NPAS3: variants seen among roughly 807,000 people sequenced by gnomAD.
NPAS3 encodes neuronal PAS domain-containing protein 3.
Under a neutral mutation model 73.1 loss-of-function variants are expected in NPAS3, and 14 were observed. The observed-to-expected ratio is 0.19, with a 90% confidence interval of 0.13 to 0.30. The LOEUF is 0.30. Among genes scored for constraint, NPAS3 ranks in the 10% least tolerant of loss-of-function variants. The pLI, the probability that NPAS3 is intolerant of heterozygous loss-of-function variation, is 1.00. For missense variants in NPAS3, 1,096 were observed against 1,250.0 expected, an observed-to-expected ratio of 0.88 and a Z score of 1.86; for synonymous variants, 620 against 541.5, an observed-to-expected ratio of 1.14 and a Z score of -2.01.
chr14:32,991,631 G>A (rs1279299409), intron 1 of NPAS3, among the ~76,000 whole-genome samples: 2 of 152,234 alleles, frequency 1.3e-5, no homozygotes, highest in Admixed American at 6.5e-5. Context: ...TTATTTTACT[G>A]TCCGTCTCTT....
chr14:33,498,935 A>AGTGTGTGTGTGTGTGTGTGTGTGT (rs3058422), intron 4 of NPAS3, among the ~76,000 whole-genome samples: 1 of 94,936 alleles, frequency 1.1e-5, no homozygotes, highest in Non-Finnish European at 2.2e-5. Context: ...ACAGAGAGAG[A>AGTGTGTGTGTGTGTGTGTGTGTGT]GTGTGTGTGT....
intron 1 of NPAS3, among the ~76,000 whole-genome samples, chr14:33,030,799 G>T (rs1595275181): frequency 1.3e-5 from 2 of 152,184 alleles, no homozygotes; most frequent in Admixed American, 6.5e-5. Context: ...CATGTATTTT[G>T]TCTGTACATA....
At chr14:33,768,752 T>G (rs556547497) in intron 7 of NPAS3, among the ~76,000 whole-genome samples, 1 of 152,364 alleles carries the variant, frequency 6.6e-6, no homozygotes, top group East Asian at 1.9e-4. Context: ...ACAGATGTTC[T>G]GTTTCCCAAT....
At chr14:33,038,683 A>G (rs1200768158) in intron 1 of NPAS3, among the ~76,000 whole-genome samples, 2 of 152,162 alleles carry the variant, frequency 1.3e-5, no homozygotes, top group Non-Finnish European at 2.9e-5. Context: ...CGCACACTGG[A>G]AAATGGGAGG....
chr14:33,381,478 A>G (rs796978126), intron 4 of NPAS3, among the ~76,000 whole-genome samples: 50 of 152,280 alleles, frequency 3.3e-4, no homozygotes, highest in African/African-American at 1.2e-3. Flanking sequence ...TATATGACTG[A>G]TTGGTAACTA....
intron 6 of NPAS3, among the ~76,000 whole-genome samples, chr14:33,699,157 A>T (rs1229875974): frequency 6.6e-6 from 1 of 152,232 alleles, no homozygotes; most frequent in Non-Finnish European, 1.5e-5. Context: ...GTTTCAAAAA[A>T]AAACATGTGC....
intron 5 of NPAS3, among the ~76,000 whole-genome samples, chr14:33,617,420 G>T (rs2057952567): frequency 2.6e-5 from 4 of 152,102 alleles, no homozygotes; most frequent in South Asian, 2.1e-4. Flanking sequence ...AAATTTAGGT[G>T]GGGGGAATGC....
intron 4 of NPAS3, among the ~76,000 whole-genome samples, chr14:33,451,533 G>C (rs539158818): frequency 3.7e-4 from 56 of 152,158 alleles, no homozygotes; most frequent in Non-Finnish European, 6.5e-4. Flanking sequence ...CCTCTCTCTC[G>C]ATCATTTTCA....
At chr14:33,456,934 C>T (rs776118917) in intron 4 of NPAS3, among the ~76,000 whole-genome samples, 2 of 152,132 alleles carry the variant, frequency 1.3e-5, no homozygotes, top group South Asian at 2.1e-4. Context: ...GGACTTCCTC[C>T]GCCTCACCTG....
chr14:32,935,205 A>C (rs959292554), upstream of NPAS3, among the ~76,000 whole-genome samples: 9 of 152,204 alleles, frequency 5.9e-5, no homozygotes, highest in South Asian at 4.1e-4. Context: ...TGGCGAAGTG[A>C]AATCATCCTT....
intron 3 of NPAS3, among the ~76,000 whole-genome samples, chr14:33,292,220 C>T (rs527336446): frequency 7.2e-5 from 11 of 152,230 alleles, no homozygotes; most frequent in East Asian, 5.8e-4. Context: ...ACAGGCTACC[C>T]GTTGCACCAA....
intron 3 of NPAS3, among the ~76,000 whole-genome samples, chr14:33,338,260 T>C (rs76741612): frequency 0.026 from 4,017 of 152,244 alleles, 195 homozygotes; most frequent in African/African-American, 0.09. Context: ...TAAGCCTCTT[T>C]GCTTTCTTCC....
rs17100483 is a variant in NPAS3 at position 33,267,536 on chromosome 14, A to G, written c.385+52110A>G. On this transcript the variant is annotated intron_variant, in intron 3 of 11. Transcript: ENST00000356141. ...GCACTCCAAATGCTTATGAAATCTC[A>G]ACCATGAAATTAAGCTTTTTTCCCC... is the stretch of plus-strand genomic sequence containing the variant. 7.1e-3 allele frequency among the ~76,000 whole-genome samples: 1,079 copies of G among 152,258 alleles called. 9 individuals carry two copies. The highest frequency in any genetic ancestry group is 0.025 in the African/African-American group (1,030 of 41,540).
chr14:33,191,845 A>G (rs923774826), intron 2 of NPAS3, among the ~76,000 whole-genome samples: 1 of 152,214 alleles, frequency 6.6e-6, no homozygotes, highest in Non-Finnish European at 1.5e-5. Flanking sequence ...ATTTATGTAA[A>G]CTGAACTCAT....
At chr14:33,696,036 T>C (rs1455379279) in intron 6 of NPAS3, among the ~76,000 whole-genome samples, 1 of 152,226 alleles carries the variant, frequency 6.6e-6, no homozygotes, top group African/African-American at 2.4e-5. Flanking sequence ...GGAACAGTTT[T>C]GAAAACCTCT....
intron 4 of NPAS3, among the ~76,000 whole-genome samples, chr14:33,427,045 C>T (rs1257478918): frequency 6.6e-6 from 1 of 152,002 alleles, no homozygotes; most frequent in Admixed American, 6.6e-5. Flanking sequence ...TCTTGGTAAG[C>T]CATATGTATA....
At chr14:32,934,882 ACGGCCGCGGCGGCCGGCGGGG>A (rs2035647265), upstream of NPAS3, 27 of 773,158 alleles carry the variant, frequency 3.5e-5, 2 homozygotes, top group Non-Finnish European at 4.2e-5. This position sits in a 1 kb window ranked among gnomAD's most constrained non-coding sequence, Gnocchi z 4.1. Context: ...CGTGCAGGTG[ACGGCCGCGGCGGCCGGCGGGG>A]CGGCCGCGGG....
chr14:33,365,255 C>A (rs1476690223), intron 3 of NPAS3, among the ~76,000 whole-genome samples: 1 of 133,144 alleles, frequency 7.5e-6, no homozygotes, highest in African/African-American at 2.8e-5. Flanking sequence ...GGATCATTCA[C>A]ACCAAGCTAC....
At chr14:32,938,143 C>T (rs561174676), upstream of NPAS3, among the ~76,000 whole-genome samples, 298 of 152,246 alleles carry the variant, frequency 2.0e-3, 4 homozygotes, top group African/African-American at 6.9e-3. Flanking sequence ...GTGACTGATG[C>T]AGATGCTCCG....
Sources: gnomAD v4.1 joint callset for allele counts (sites outside exome capture counted in the v4.1 genomes callset) on GRCh38, gnomAD v4.1.1 for gene constraint, Gnocchi (gnomAD v3.1) non-coding constraint, MANE v1.5 for transcripts, NCBI Gene and HGNC (gene_info 2026-07-23, HGNC 2026-07-21) for gene names.